The following ENKUR variants were observed in gnomAD, a reference collection of about 807,000 sequenced individuals.
ENKUR encodes the protein enkurin.
ENKUR carries 19 observed loss-of-function variants against 27.6 expected under a neutral mutation model. The ratio of observed to expected loss-of-function variants is 0.69; its 90% CI spans 0.48 to 1.01. The LOEUF (loss-of-function observed/expected upper bound fraction) is 1.01, where lower values mean the gene tolerates loss of function less well. Ranked by LOEUF, ENKUR falls within the 50% of genes least tolerant of loss-of-function variation. The probability of loss-of-function intolerance (pLI) is 0.00; values close to 1 mark genes in which losing one functional copy is unlikely to be tolerated. For synonymous variants in ENKUR, 117 were observed against 96.9 expected (o/e 1.21, Z -1.22); for missense variants, 312 against 310.5 (o/e 1.00, Z -0.04).
chr10:25,015,229 T>C (rs1237296004), intron 1 of ENKUR, among the ~76,000 whole-genome samples: 2 of 152,228 alleles, frequency 1.3e-5, no homozygotes, highest in African/African-American at 4.8e-5. Flanking sequence ...TTCTAAGACC[T>C]ATGTAAAATT....
At chr10:25,022,620 T>C (rs1235196333) in intron 2 of ENKUR, among the ~76,000 whole-genome samples, 1 of 152,218 alleles carries the variant, frequency 6.6e-6, no homozygotes, top group East Asian at 1.9e-4. Context: ...AAATATGTTC[T>C]TTTATTCTGG....
intron 2 of ENKUR, among the ~76,000 whole-genome samples, chr10:25,042,280 T>G (rs1170185136): frequency 6.8e-6 from 1 of 146,112 alleles, no homozygotes; most frequent in African/African-American, 2.5e-5. Flanking sequence ...TTTTTTTTTT[T>G]GAGTCAGAGT....
chr10:25,049,644 C>A (rs1851161098), intron 2 of ENKUR, among the ~76,000 whole-genome samples: 1 of 151,874 alleles, frequency 6.6e-6, no homozygotes, highest in Non-Finnish European at 1.5e-5. Context: ...AAAAATTAGC[C>A]AGATGTGGTG....
intron 2 of ENKUR, among the ~76,000 whole-genome samples, chr10:25,047,398 T>G (rs1219683386): frequency 6.6e-6 from 1 of 152,220 alleles, no homozygotes; most frequent in Non-Finnish European, 1.5e-5. Context: ...TACCTTATTT[T>G]GGCTGAAGAC....
At chr10:25,013,930 G>A (rs1850507494) in intron 1 of ENKUR, among the ~76,000 whole-genome samples, 1 of 150,694 alleles carries the variant, frequency 6.6e-6, no homozygotes, top group African/African-American at 2.5e-5. Context: ...CAAAAAGAGT[G>A]AAACTCCGTC....
At chr10:25,040,236 A>T (rs184144049) in intron 2 of ENKUR, among the ~76,000 whole-genome samples, 4 of 152,306 alleles carry the variant, frequency 2.6e-5, no homozygotes, top group Admixed American at 2.6e-4. Context: ...GGCCAGCTAG[A>T]TTCAAGGTGT....
At chr10:25,014,505 C>A (rs1850521585) in intron 1 of ENKUR, among the ~76,000 whole-genome samples, 1 of 151,676 alleles carries the variant, frequency 6.6e-6, no homozygotes, top group Admixed American at 6.6e-5. Context: ...AAAGACTGTT[C>A]CTATAAATTT....
Position 24,995,745 on chromosome 10 carries a change from T to G in ENKUR, c.348A>C (p.Gly116=). 1 of 1,614,078 alleles carries G rather than the reference T, an allele frequency of 6.2e-7. No individual in the cohort carries two copies. Among genetic ancestry groups the G allele is most frequent in the Non-Finnish European group, 8.5e-7 (1 of 1,179,978 alleles). The change falls in exon 3 of 6, where the codon GGA becomes GGC. Residue 116 remains glycine (G), a synonymous_variant. Coordinates refer to ENST00000331161, the MANE Select transcript of ENKUR (RefSeq NM_145010.4). ...INTNAADIIM[G]VAKKPKPIYV... is the part of the protein sequence containing the mutation. ...AAATTGGTTTAGGCTTTTTAGCCAC[T>G]CCCATGATGATATCAGCTGCATTTG...
At chr10:25,012,934 G>T (rs1377095187) in intron 1 of ENKUR, among the ~76,000 whole-genome samples, 1 of 152,184 alleles carries the variant, frequency 6.6e-6, no homozygotes, top group African/African-American at 2.4e-5. Flanking sequence ...AAATTGATGA[G>T]ATCCCATAAT....
At chr10:25,043,777 C>A (rs966148936) in intron 2 of ENKUR, among the ~76,000 whole-genome samples, 3 of 151,926 alleles carry the variant, frequency 2.0e-5, no homozygotes, top group African/African-American at 7.2e-5. Context: ...TCTTTTTCTC[C>A]AGTCTTTTTC....
chr10:25,045,566 AT>A (rs1187231076), intron 2 of ENKUR, among the ~76,000 whole-genome samples: 17 of 152,204 alleles, frequency 1.1e-4, no homozygotes, highest in Non-Finnish European at 1.6e-4. Flanking sequence ...CAGGCTAACC[AT>A]CCCTTGAAAA....
At chr10:25,023,711 G>T in intron 2 of ENKUR, 3 of 1,613,872 alleles carry the variant, frequency 1.9e-6, no homozygotes, top group East Asian at 4.5e-5. Flanking sequence ...GATCTAATTT[G>T]TCGTCTAAAA....
At chr10:25,043,005 C>T (rs1851082862) in intron 2 of ENKUR, among the ~76,000 whole-genome samples, 1 of 152,046 alleles carries the variant, frequency 6.6e-6, no homozygotes, top group Non-Finnish European at 1.5e-5. Flanking sequence ...TGTTAATTTA[C>T]TGATTTTAAA....
chr10:25,023,289 T>C (rs1850761291), intron 2 of ENKUR: 1 of 1,614,144 alleles, frequency 6.2e-7, no homozygotes, highest in Non-Finnish European at 8.5e-7. Flanking sequence ...CTAGTATACA[T>C]GTTAAAACGG....
intron 2 of ENKUR, among the ~76,000 whole-genome samples, chr10:25,037,793 T>G (rs1385865844): frequency 6.6e-6 from 1 of 152,214 alleles, no homozygotes; most frequent in Non-Finnish European, 1.5e-5. Context: ...CATTGTTCCC[T>G]GAGCAGCTGC....
At chr10:25,049,696 G>T (rs1851162469) in intron 2 of ENKUR, among the ~76,000 whole-genome samples, 1 of 148,498 alleles carries the variant, frequency 6.7e-6, no homozygotes, top group Non-Finnish European at 1.5e-5. Flanking sequence ...GCCAAGGCAG[G>T]AGAATCACTT....
chr10:25,033,233 C>T (rs1240968939), intron 2 of ENKUR, among the ~76,000 whole-genome samples: 1 of 151,624 alleles, frequency 6.6e-6, no homozygotes, highest in Non-Finnish European at 1.5e-5. Context: ...ATAGGGAGAC[C>T]TCTCTACAAA....
chr10:24,996,144 T>C (rs541872594), intron 2 of ENKUR, among the ~76,000 whole-genome samples: 2 of 152,310 alleles, frequency 1.3e-5, no homozygotes, highest in African/African-American at 2.4e-5. Flanking sequence ...AAGGGCAACA[T>C]AATCAATTAA....
At chr10:25,003,262 A>G (rs1348995819) in intron 1 of ENKUR, among the ~76,000 whole-genome samples, 1 of 151,860 alleles carries the variant, frequency 6.6e-6, no homozygotes, top group Admixed American at 6.6e-5. Flanking sequence ...GCTGGAGTGC[A>G]GTGGTGTGAT....
Sources: allele counts gnomAD v4.1 joint callset (sites outside exome capture counted in the v4.1 genomes callset), GRCh38; gene constraint gnomAD v4.1.1; transcripts MANE v1.5; gene names NCBI Gene and HGNC (gene_info 2026-07-23, HGNC 2026-07-21).